The following CASP9 variants were observed in gnomAD, a reference collection of about 807,000 sequenced individuals.
CASP9 encodes the protein caspase 9, also known as caspase-9.
Under a neutral mutation model 43.5 loss-of-function variants are expected in CASP9, and 29 were observed. That is an observed-to-expected ratio of 0.67 (90% CI 0.50 to 0.91). CASP9 has a LOEUF of 0.91. Ranked by LOEUF, CASP9 falls within the 40% of genes least tolerant of loss-of-function variation. The pLI is 0.00. For missense variants in CASP9, 575 were observed against 537.4 expected (o/e 1.07, Z -0.69); for synonymous variants, 206 against 211.9 (o/e 0.97, Z 0.24).
At chr1:15,500,583 G>A (rs1376090396) in intron 6 of CASP9, among the ~76,000 whole-genome samples, 1 of 152,124 alleles carries the variant, frequency 6.6e-6, no homozygotes, top group Non-Finnish European at 1.5e-5. Context: ...TGCTTCTCAC[G>A]GAGGCCCCCA....
At chr1:15,508,559 C>T (rs1709612457) in intron 2 of CASP9, among the ~76,000 whole-genome samples, 1 of 152,080 alleles carries the variant, frequency 6.6e-6, no homozygotes, top group East Asian at 1.9e-4. Flanking sequence ...ATTACAGGCA[C>T]CCACCACCAT....
intron 2 of CASP9, 25 bp from the exon 3 acceptor site, chr1:15,507,932 A>C (rs747887872): frequency 4.3e-6 from 7 of 1,613,786 alleles, no homozygotes; most frequent in Admixed American, 3.3e-5. Context: ...AAAGAGAGAA[A>C]CATGAATGTT....
rs1485574540 is a variant in CASP9 at position 15,495,240 on chromosome 1, G to A, written c.1048+33C>T. ...TCTAGGGCAGACGGGAAGACCCACTGGCTGCGAGGACGAGCCCTTCTGATG... is the reference window on the plus strand; with the variant it reads ...TCTAGGGCAGACGGGAAGACCCACTAGCTGCGAGGACGAGCCCTTCTGATG... On this transcript the variant is annotated intron_variant, in intron 7 of 8. Transcript: ENST00000333868. The A allele has an allele frequency of 3.1e-6, 5 of 1,589,288 alleles. No individual in the cohort carries two copies. In the African/African-American group the frequency reaches 5.4e-5, roughly 17 times the overall value.
At chr1:15,493,167 A>G in intron 8 of CASP9, 132 bp from the exon 9 acceptor site, 1 of 1,498,496 alleles carries the variant, frequency 6.7e-7, no homozygotes, top group Non-Finnish European at 8.8e-7. Flanking sequence ...CTCTTTGAGC[A>G]GGAGGGCTTA....
At chr1:15,521,281 AAAAAG>A (rs1710188280) in intron 1 of CASP9, among the ~76,000 whole-genome samples, 1 of 151,930 alleles carries the variant, frequency 6.6e-6, no homozygotes, top group Non-Finnish European at 1.5e-5. Flanking sequence ...AAAAAAAAAA[AAAAAG>A]AAAGGGAGTC....
rs1202895418 is a variant in CASP9, at chr1:15,524,116, G to T, written c.85C>A (p.Leu29Met). Residue 29 changes from leucine to methionine, a missense_variant, in exon 1 of 9, where the codon CTG becomes ATG. Physicochemically the swap from Leu to Met is conservative, Grantham distance 15. Coordinates refer to ENST00000333868, the MANE Select transcript of CASP9 (RefSeq NM_001229.5). Reference protein sequence around the residue: ...ELQVDQLWDALLSRELFRPHM... With the variant: ...ELQVDQLWDAMLSRELFRPHM... ...GGCCTGAACAGCTCGCGGCTCAGCA[G>T]GGCGTCCCAGAGCTGGTCCACCTGC... The T allele has an allele frequency of 3.2e-6, 5 of 1,540,212 alleles. No individual in the cohort carries two copies. The African/African-American group carries it at 6.9e-5, about 21-fold the overall frequency.
In CASP9 at chr1:15,493,980, G is replaced by C; in HGVS notation, c.1070C>G (p.Pro357Arg). 2.5e-6 allele frequency: 4 copies of C among 1,598,428 alleles called. No homozygotes were observed. Among genetic ancestry groups the C allele is most frequent in the Non-Finnish European group, 3.4e-6 (4 of 1,172,200 alleles). The change falls in exon 8 of 9, where the codon CCC (proline) becomes CGC (arginine). Residue 357 changes from proline (P) to arginine (R), a missense_variant. Pro to Arg is a moderately radical substitution (Grantham distance 103). Coordinates refer to ENST00000333868, the MANE Select transcript of CASP9 (RefSeq NM_001229.5). ...CTCAACGTACCAGGAGCCACTCTTG[G>C]GGTCCCTCCAGGAAACAAAACCTTT... ...TFPGFVSWRDPKSGSWYVETL... is the reference protein window; with the variant it reads ...TFPGFVSWRDRKSGSWYVETL...
At chr1:15,493,483 G>A in intron 8 of CASP9, 1 of 1,294,052 alleles carries the variant, frequency 7.7e-7, no homozygotes, top group South Asian at 2.2e-5. Flanking sequence ...TCCTGAGAAG[G>A]CGATGTACAA....
At chr1:15,523,357 A>C (rs530497860) in intron 1 of CASP9, among the ~76,000 whole-genome samples, 63 of 152,372 alleles carry the variant, frequency 4.1e-4, no homozygotes, top group African/African-American at 1.4e-3. Flanking sequence ...ACTGTGGCTC[A>C]AAGAGGGTAA....
chr1:15,506,844 T>C, intron 4 of CASP9, 55 bp downstream of exon 4: 1 of 1,473,344 alleles, frequency 6.8e-7, no homozygotes, highest in South Asian at 1.2e-5. Context: ...CCTCAAAAGA[T>C]ACTTCCCCAC....
intron 1 of CASP9, among the ~76,000 whole-genome samples, 159 bp from the exon 2 acceptor site, chr1:15,518,554 A>G (rs531091452): frequency 5.9e-5 from 9 of 152,340 alleles, no homozygotes; most frequent in African/African-American, 2.2e-4. Context: ...GCCTTTGCTG[A>G]TCTGTTCATT....
chr1:15,504,045 G>A (rs1481805902), intron 6 of CASP9, among the ~76,000 whole-genome samples: 1 of 152,124 alleles, frequency 6.6e-6, no homozygotes, highest in Non-Finnish European at 1.5e-5. Flanking sequence ...ACAGGGTCTC[G>A]CTGTGTTGCC....
chr1:15,497,468 C>A (rs919978834), intron 6 of CASP9, among the ~76,000 whole-genome samples: 1 of 151,824 alleles, frequency 6.6e-6, no homozygotes, highest in African/African-American at 2.4e-5. Context: ...CATGGTGAAA[C>A]CCCGTCTCTA....
At chr1:15,493,538 G>C (rs952063770) in intron 8 of CASP9, 18 of 1,394,350 alleles carry the variant, frequency 1.3e-5, no homozygotes, top group Non-Finnish European at 1.6e-5. Flanking sequence ...AAGACTACAT[G>C]ATGCCCACAG....
chr1:15,495,099 T>C (rs535968268), intron 7 of CASP9, among the ~76,000 whole-genome samples, 174 bp downstream of exon 7: 2 of 152,042 alleles, frequency 1.3e-5, no homozygotes, highest in East Asian at 1.9e-4. Flanking sequence ...GCGCGCATCC[T>C]TGCCCGCTCA....
intron 2 of CASP9, among the ~76,000 whole-genome samples, chr1:15,513,389 G>A (rs978687406): frequency 1.3e-4 from 19 of 151,994 alleles, no homozygotes; most frequent in Admixed American, 6.6e-4. Context: ...CAGTCCTCCC[G>A]GGCAAGAGGC....
intron 2 of CASP9, among the ~76,000 whole-genome samples, chr1:15,511,734 TG>T (rs546418764): frequency 6.6e-6 from 1 of 152,220 alleles, no homozygotes; most frequent in Non-Finnish European, 1.5e-5. Flanking sequence ...TGCCTGAGAA[TG>T]TTTAAGGCCC....
At chr1:15,521,219 G>C (rs1294867334) in intron 1 of CASP9, among the ~76,000 whole-genome samples, 1 of 149,322 alleles carries the variant, frequency 6.7e-6, no homozygotes, top group African/African-American at 2.5e-5. Flanking sequence ...GCAGTGAGCT[G>C]AGATCGTACC....
At chr1:15,505,092 G>C (rs1709469501) in intron 5 of CASP9, among the ~76,000 whole-genome samples, 1 of 152,158 alleles carries the variant, frequency 6.6e-6, no homozygotes, top group African/African-American at 2.4e-5. Context: ...TGTGATTCCT[G>C]GGCCCCACCC....
Sources: allele counts gnomAD v4.1 joint callset (sites outside exome capture counted in the v4.1 genomes callset), GRCh38; gene constraint gnomAD v4.1.1; transcripts MANE v1.5; gene names NCBI Gene and HGNC (gene_info 2026-07-23, HGNC 2026-07-21).